The following DAAM2 variants were observed in gnomAD, a reference collection of about 807,000 sequenced individuals.
DAAM2 encodes the protein disheveled-associated activator of morphogenesis 2.
Under a neutral mutation model 120.7 loss-of-function variants are expected in DAAM2, and 39 were observed. The observed-to-expected ratio is 0.32, with a 90% CI of 0.25 to 0.42. The LOEUF (loss-of-function observed/expected upper bound fraction) is 0.42, where lower values mean the gene tolerates loss of function less well. Among genes scored for constraint, DAAM2 ranks in the 10% least tolerant of loss-of-function variants. The probability of loss-of-function intolerance (pLI) is 1.00; values close to 1 mark genes in which losing one functional copy is unlikely to be tolerated. For synonymous variants in DAAM2, 488 were observed against 524.9 expected (o/e 0.93, Z 0.96); for missense variants, 1,283 against 1,401.7 (o/e 0.92, Z 1.35).
rs1393121032 is a variant in DAAM2, at chr6:39,854,575, T to C, written c.-56-1672T>C. On this transcript the variant is annotated intron_variant, in intron 1 of 24. Transcript: ENST00000274867. ...CTAGAATGACAGTTAAAATAGAGCA[T>C]GATGTATGAGAGGCCAGATGAGATT... 2.0e-5 allele frequency among the ~76,000 whole-genome samples: 3 copies of C among 152,298 alleles called. No homozygotes were observed. In the South Asian group the frequency reaches 6.2e-4, roughly 32 times the overall value.
intron 21 of DAAM2, among the ~76,000 whole-genome samples, chr6:39,898,117 AC>A (rs1246770470): frequency 6.6e-6 from 1 of 152,254 alleles, no homozygotes; most frequent in African/African-American, 2.4e-5. Flanking sequence ...CCAGTAACAA[AC>A]ATTATTAAGC....
chr6:39,835,015 T>C (rs1763052460), intron 1 of DAAM2, among the ~76,000 whole-genome samples: 1 of 152,230 alleles, frequency 6.6e-6, no homozygotes, highest in East Asian at 1.9e-4. Context: ...CCACAATGCC[T>C]TACTTGGGTC....
rs1562070544 is a variant in DAAM2, at chr6:39,902,051, C to T, written c.*14C>T. 6.3e-7 allele frequency: 1 copy of T among 1,585,620 alleles called. No homozygotes were observed. ...CTAAATTATTGACCTGGGGAACTAG[C>T]CACACAGGAGGCCGGGAGACAGGGA... On this transcript the variant is annotated 3_prime_UTR_variant, in exon 25 of 25. Transcript: ENST00000274867.
chr6:39,871,444 C>A, intron 8 of DAAM2, 62 bp from the exon 9 acceptor site: 1 of 1,477,332 alleles, frequency 6.8e-7, no homozygotes, highest in South Asian at 1.2e-5. Flanking sequence ...GGGCTGTAAC[C>A]CTCAACCAAG....
At chr6:39,894,814 T>A (rs1765972620) in intron 19 of DAAM2, among the ~76,000 whole-genome samples, 1 of 152,118 alleles carries the variant, frequency 6.6e-6, no homozygotes. Flanking sequence ...AGACAGGGTT[T>A]CACCATGTTG....
chr6:39,894,869 T>C (rs1422902051), intron 19 of DAAM2, among the ~76,000 whole-genome samples: 1 of 152,170 alleles, frequency 6.6e-6, no homozygotes, highest in Admixed American at 6.5e-5. Flanking sequence ...TCTGCCCACC[T>C]TGGCCTCCCA....
intron 1 of DAAM2, among the ~76,000 whole-genome samples, chr6:39,796,345 C>G (rs1218001857): frequency 6.6e-6 from 1 of 152,116 alleles, no homozygotes; most frequent in Non-Finnish European, 1.5e-5. Context: ...TTTTAAGAGG[C>G]TCAACCAGTG....
At chr6:39,887,449 C>T (rs1765443619) in intron 15 of DAAM2, 37 bp from the exon 16 acceptor site, 1 of 1,513,856 alleles carries the variant, frequency 6.6e-7, no homozygotes, top group African/African-American at 1.4e-5. Flanking sequence ...ATTAGGGAAC[C>T]CACACCTCAA....
At chr6:39,824,574 A>G (rs1391175192) in intron 1 of DAAM2, among the ~76,000 whole-genome samples, 1 of 152,154 alleles carries the variant, frequency 6.6e-6, no homozygotes. Flanking sequence ...TTTTCAGTTA[A>G]TTAAGAAAAC....
At chr6:39,864,577 C>A in intron 4 of DAAM2, 70 bp downstream of exon 4, 2 of 1,276,056 alleles carry the variant, frequency 1.6e-6, no homozygotes, top group South Asian at 1.3e-5. Context: ...TTCCCCCAGC[C>A]CCCACCCCCC....
intron 16 of DAAM2, 37 bp from the exon 17 acceptor site, chr6:39,888,642 G>T: frequency 6.3e-7 from 1 of 1,594,162 alleles, no homozygotes; most frequent in South Asian, 1.1e-5. Flanking sequence ...AAGAAGGTTT[G>T]AGGGCTGTCC....
chr6:39,847,317 T>C (rs1763634663), intron 1 of DAAM2, among the ~76,000 whole-genome samples: 1 of 152,060 alleles, frequency 6.6e-6, no homozygotes, highest in Admixed American at 6.5e-5. Context: ...GATGGGTTGC[T>C]CTGGTGGGAG....
chr6:39,875,413 G>A lies in DAAM2; in HGVS notation c.1246G>A (p.Val416Met). The change falls in exon 11 of 25, where the codon GTG becomes ATG. Residue 416 changes from valine (V) to methionine (M), a missense_variant. Physicochemically the swap from Val to Met is conservative, Grantham distance 21 (BLOSUM62 1). Around this residue, in one of 3 missense-constraint regions of DAAM2, gnomAD observed 338 missense variants for 443.9 expected, o/e 0.76. Coordinates refer to ENST00000274867, the MANE Select transcript of DAAM2 (RefSeq NM_001201427.2). ...GATTGTCCTCCAGGATGAGCGGGGT[G>A]TGGACCCTGACCTGGCTCCCTTGGA... ...QQIVLQDERG[V>M]DPDLAPLENF... The A allele has an allele frequency of 6.2e-7, 1 of 1,614,024 alleles. No homozygotes were observed. Among genetic ancestry groups the A allele is most frequent in the Non-Finnish European group, 8.5e-7 (1 of 1,179,886 alleles).
rs928532815 is a variant in DAAM2, at chr6:39,901,185, C to G, written c.2812-117C>G. On this transcript the variant is annotated intron_variant, in intron 23 of 24. Coordinates refer to ENST00000274867, the MANE Select transcript of DAAM2 (RefSeq NM_001201427.2). This position sits in a 1 kb window ranked among gnomAD's most constrained non-coding sequence, Gnocchi z 4.5. ...ACCTCTTCCAGCCCTGCCCCCTGTG[C>G]CAACAGTCCCCAGCCTTGCGCTGGG... 1.1e-6 allele frequency: 1 copy of G among 888,608 alleles called. No individual in the cohort carries two copies. The highest frequency in any genetic ancestry group is 1.8e-6 in the Non-Finnish European group (1 of 566,980). 55.0% of individuals were successfully genotyped at this position (888,608 alleles called of 1,614,324 possible). A position where few individuals can be genotyped will look rare whatever the true frequency, so the allele number is the denominator to read the frequency against.
chr6:39,904,607 G>GA lies in DAAM2; in HGVS notation c.*2574dup. 1 of 454,224 alleles carries GA rather than the reference G, an allele frequency of 2.2e-6. No homozygotes were observed. The highest frequency in any genetic ancestry group is 4.4e-6 in the Non-Finnish European group (1 of 226,902). 28.1% of individuals were successfully genotyped at this position (454,224 alleles called of 1,614,324 possible). On this transcript the variant is annotated 3_prime_UTR_variant, in exon 25 of 25. Coordinates refer to ENST00000274867, the MANE Select transcript of DAAM2 (RefSeq NM_001201427.2). ...TAAAGTGTTTAGGGCAGTGGGAGGA[G>GA]AAAATTCTCCAGGTGAATGGGGAAG...
Position 39,815,737 on chromosome 6 carries a change from A to G in DAAM2, c.-57+23272A>G, listed in dbSNP as rs527567297. On this transcript the variant is annotated intron_variant, in intron 1 of 24. Transcript: ENST00000274867. ...GTGAACTTTATGGAGGTCTGGGGAG[A>G]CCAAGGGTATTTGTATTACAACAAT... is the stretch of plus-strand genomic sequence containing the variant. 2.0e-5 allele frequency among the ~76,000 whole-genome samples: 3 copies of G among 152,140 alleles called. No individual in the cohort carries two copies. In the Middle Eastern group the frequency reaches 0.01, roughly 517 times the overall value.
At chr6:39,825,128 G>A (rs1431688329) in intron 1 of DAAM2, among the ~76,000 whole-genome samples, 1 of 152,096 alleles carries the variant, frequency 6.6e-6, no homozygotes, top group African/African-American at 2.4e-5. Flanking sequence ...GGTGGCTCAC[G>A]CCTGTAATCT....
chr6:39,834,357 T>C (rs1763025820), intron 1 of DAAM2, among the ~76,000 whole-genome samples: 1 of 152,212 alleles, frequency 6.6e-6, no homozygotes, highest in Admixed American at 6.5e-5. Context: ...ACTAACTGTT[T>C]GGGTGACTGC....
At chr6:39,816,704 G>A (rs1323099087) in intron 1 of DAAM2, among the ~76,000 whole-genome samples, 1 of 152,204 alleles carries the variant, frequency 6.6e-6, no homozygotes, top group Non-Finnish European at 1.5e-5. Flanking sequence ...AAGGTATGGA[G>A]GAGTCCCAGC....
Sources: gnomAD v4.1 joint callset for allele counts (sites outside exome capture counted in the v4.1 genomes callset) on GRCh38, gnomAD v4.1.1 for gene constraint, gnomAD v4.1.1 regional missense constraint, Gnocchi (gnomAD v3.1) non-coding constraint, MANE v1.5 for transcripts, NCBI Gene and HGNC (gene_info 2026-07-23, HGNC 2026-07-21) for gene names.